The following SH3PXD2A variants were observed in gnomAD, a reference collection of about 807,000 sequenced individuals.
SH3PXD2A encodes the protein SH3 and PX domains 2A, also known as SH3 and PX domain-containing protein 2A.
SH3PXD2A carries 32 observed loss-of-function variants against 115.2 expected under a neutral mutation model. The ratio of observed to expected loss-of-function variants is 0.28; its 90% CI spans 0.21 to 0.37. The LOEUF (loss-of-function observed/expected upper bound fraction) is 0.37, where lower values mean the gene tolerates loss of function less well. Ranked by LOEUF, SH3PXD2A falls within the 10% of genes least tolerant of loss-of-function variation. SH3PXD2A has a pLI of 1.00. For missense variants in SH3PXD2A, 1,328 were observed against 1,498.7 expected, an observed-to-expected ratio of 0.89 and a Z score of 1.88; for synonymous variants, 610 against 629.1, an observed-to-expected ratio of 0.97 and a Z score of 0.45.
chr10:103,614,111 T>A (rs2036472285), intron 11 of SH3PXD2A, among the ~76,000 whole-genome samples: 1 of 150,608 alleles, frequency 6.6e-6, no homozygotes, highest in Non-Finnish European at 1.5e-5. Context: ...TTTAATTAGC[T>A]GGGTGTGATG....
At chr10:103,847,847 G>C (rs958315047) in intron 1 of SH3PXD2A, among the ~76,000 whole-genome samples, 1 of 152,110 alleles carries the variant, frequency 6.6e-6, no homozygotes. Context: ...GCTAAGGCAC[G>C]AGAATCGCTT....
Position 103,620,986 on chromosome 10 carries a change from T to A in SH3PXD2A, c.802+1484A>T, listed in dbSNP as rs936237847. Among the ~76,000 whole-genome samples the A allele has an allele frequency of 6.6e-6, 1 of 152,124 alleles. No individual in the cohort carries two copies. The highest frequency in any genetic ancestry group is 2.4e-5 in the African/African-American group (1 of 41,410). ...ACTGTGTATGATGCATTTGTGGTGG[T>A]ATAAACAGAAGACACATGGCACGGT... On this transcript the variant is annotated intron_variant, in intron 10 of 14. Transcript: ENST00000369774. The surrounding 1 kb of genome is among the most constrained non-coding windows in gnomAD (Gnocchi z 5.3).
At chr10:103,773,658 C>A (rs1453202324) in intron 2 of SH3PXD2A, among the ~76,000 whole-genome samples, 1 of 152,046 alleles carries the variant, frequency 6.6e-6, no homozygotes, top group Non-Finnish European at 1.5e-5. Flanking sequence ...TCAGGCTGGT[C>A]TTGAATTCCT....
Position 103,784,551 on chromosome 10 carries a change from A to G in SH3PXD2A, c.153+16731T>C, listed in dbSNP as rs1177061629. 2.0e-5 allele frequency among the ~76,000 whole-genome samples: 3 copies of G among 152,226 alleles called. No individual in the cohort carries two copies. The highest frequency in any genetic ancestry group is 4.4e-5 in the Non-Finnish European group (3 of 68,040). Reference sequence around the variant, plus strand: ...GGCAGTCGGTCCTCTCATGCCTGTGATATCATTTTCTATAGGATTGAAAAC... The same window carrying G: ...GGCAGTCGGTCCTCTCATGCCTGTGGTATCATTTTCTATAGGATTGAAAAC... On this transcript the variant is annotated intron_variant, in intron 2 of 14. Transcript: ENST00000369774. This position sits in a 1 kb window ranked among gnomAD's most constrained non-coding sequence, Gnocchi z 4.4.
intron 1 of SH3PXD2A, among the ~76,000 whole-genome samples, chr10:103,843,818 G>A (rs578231685): frequency 7.9e-5 from 12 of 152,136 alleles, no homozygotes; most frequent in Non-Finnish European, 1.6e-4. Context: ...TCCCACTGTT[G>A]CTGCCAGTGA....
At chr10:103,745,137 C>T (rs935991972) in intron 3 of SH3PXD2A, among the ~76,000 whole-genome samples, 2 of 152,188 alleles carry the variant, frequency 1.3e-5, no homozygotes, top group African/African-American at 4.8e-5. Context: ...AAATGCCAAG[C>T]CCCAAGCTGC....
At chr10:103,721,011 A>G (rs920483539) in intron 5 of SH3PXD2A, among the ~76,000 whole-genome samples, 1 of 152,238 alleles carries the variant, frequency 6.6e-6, no homozygotes, top group Admixed American at 6.5e-5. Flanking sequence ...ATAACTTGCC[A>G]GACCAGTGGT....
At position 103,693,099 on chromosome 10, in the gene SH3PXD2A, C is replaced by G; in HGVS notation, c.399-43G>C. On this transcript the variant is annotated intron_variant, in intron 5 of 14. Coordinates refer to ENST00000369774, the MANE Select transcript of SH3PXD2A (RefSeq NM_001394015.1). ...ACAGATAGACATGGTTAGGGCCGGG[C>G]GCGAGCGCGGGGCTGCAGCTGCAGG... is the stretch of plus-strand genomic sequence containing the variant. 5 of 1,599,458 alleles carry G rather than the reference C, an allele frequency of 3.1e-6. No homozygotes were observed. The South Asian group carries it at 5.5e-5, about 18-fold the overall frequency.
intron 5 of SH3PXD2A, among the ~76,000 whole-genome samples, chr10:103,706,446 G>A (rs1204815949): frequency 6.6e-6 from 1 of 152,174 alleles, no homozygotes; most frequent in Non-Finnish European, 1.5e-5. Context: ...TACACTTTCT[G>A]GCACCCCCCC....
intron 6 of SH3PXD2A, among the ~76,000 whole-genome samples, chr10:103,674,451 G>GT (rs1160850271): frequency 5.9e-5 from 9 of 152,196 alleles, no homozygotes; most frequent in Non-Finnish European, 1.0e-4. Context: ...AAGCTGAGGC[G>GT]TAACAGTGAA....
At chr10:103,741,446 T>C (rs1354603326) in intron 3 of SH3PXD2A, among the ~76,000 whole-genome samples, 1 of 152,048 alleles carries the variant, frequency 6.6e-6, no homozygotes, top group Non-Finnish European at 1.5e-5. Context: ...ACTCTGGCCC[T>C]CTCTCCCCTG....
chr10:103,639,064 A>G lies in SH3PXD2A; in HGVS notation c.605-11862T>C, dbSNP rs566588859. 2.0e-5 allele frequency among the ~76,000 whole-genome samples: 3 copies of G among 152,288 alleles called. No individual in the cohort carries two copies. In the East Asian group the frequency reaches 5.8e-4, roughly 29 times the overall value. ...AGCTGCAGAGCAGTGGATGGATGAG[A>G]AGGGCGGCTGCTTGCAGGGGGACTT... On this transcript the variant is annotated intron_variant, in intron 8 of 14. Coordinates refer to ENST00000369774, the MANE Select transcript of SH3PXD2A (RefSeq NM_001394015.1).
At chr10:103,667,017 T>C (rs1259491257) in intron 7 of SH3PXD2A, among the ~76,000 whole-genome samples, 2 of 152,116 alleles carry the variant, frequency 1.3e-5, no homozygotes, top group Non-Finnish European at 2.9e-5. Context: ...TCTGGGGGGA[T>C]GCCAGGCTAA....
At chr10:103,656,656 C>G (rs1170378822) in intron 8 of SH3PXD2A, among the ~76,000 whole-genome samples, 1 of 151,974 alleles carries the variant, frequency 6.6e-6, no homozygotes, top group Non-Finnish European at 1.5e-5. Context: ...ATAGTAAAAC[C>G]CTGTCTCTAC....
intron 8 of SH3PXD2A, among the ~76,000 whole-genome samples, chr10:103,642,871 C>T (rs2036975443): frequency 1.3e-5 from 2 of 152,292 alleles, no homozygotes; most frequent in South Asian, 4.1e-4. Flanking sequence ...AGCTTCTTGG[C>T]CCCAGAATGG....
At chr10:103,800,796 G>A (rs908236892) in intron 2 of SH3PXD2A, among the ~76,000 whole-genome samples, 1 of 152,188 alleles carries the variant, frequency 6.6e-6, no homozygotes, top group African/African-American at 2.4e-5. Flanking sequence ...AAACTGGGTG[G>A]CAAGTGCCTC....
At position 103,802,055 on chromosome 10, in the gene SH3PXD2A, T is replaced by G. The variant is rs11597747; in HGVS notation, c.73-693A>C. On this transcript the variant is annotated intron_variant, in intron 1 of 14. Coordinates refer to ENST00000369774, the MANE Select transcript of SH3PXD2A (RefSeq NM_001394015.1). ...TCACAAACTTTAGAGTGAATGAGAC[T>G]CTATAAGAGGCCCTCCGAAATTGCA... 5.3e-3 allele frequency among the ~76,000 whole-genome samples: 809 copies of G among 152,314 alleles called. 10 individuals are homozygous for G. The highest frequency in any genetic ancestry group is 0.021 in the Admixed American group (328 of 15,294).
At chr10:103,729,279 C>A (rs1024290338) in intron 4 of SH3PXD2A, among the ~76,000 whole-genome samples, 7 of 152,232 alleles carry the variant, frequency 4.6e-5, no homozygotes, top group African/African-American at 1.4e-4. Flanking sequence ...GCTTTACCCA[C>A]AGGTATTTGA....
chr10:103,751,418 A>G (rs898157031), intron 3 of SH3PXD2A, among the ~76,000 whole-genome samples: 1 of 152,236 alleles, frequency 6.6e-6, no homozygotes, highest in Admixed American at 6.5e-5. Context: ...ATTCTTCACA[A>G]CAGCCCAACA....
Sources: allele counts gnomAD v4.1 joint callset (sites outside exome capture counted in the v4.1 genomes callset), GRCh38; gene constraint gnomAD v4.1.1; non-coding constraint Gnocchi (gnomAD v3.1); transcripts MANE v1.5; gene names NCBI Gene and HGNC (gene_info 2026-07-23, HGNC 2026-07-21).